The following TDRD1 variants were observed in gnomAD, a reference collection of about 807,000 sequenced individuals.
The protein encoded by TDRD1 is tudor domain-containing protein 1.
In TDRD1, 37 loss-of-function variants were observed where a neutral mutation model predicts 140.6. The observed-to-expected ratio is 0.26, with a 90% CI of 0.20 to 0.35. The LOEUF is 0.35. TDRD1 is among the 10% of genes least tolerant of loss of function. TDRD1 has a pLI of 1.00. For missense variants in TDRD1, 1,243 were observed against 1,393.0 expected (o/e 0.89, Z 1.71); for synonymous variants, 506 against 475.7 (o/e 1.06, Z -0.83).
chr10:114,223,619 C>T (rs1011952218), intron 21 of TDRD1, among the ~76,000 whole-genome samples: 1 of 152,172 alleles, frequency 6.6e-6, no homozygotes, highest in African/African-American at 2.4e-5. Flanking sequence ...TATACTTGCC[C>T]TTTCTTTCCA....
chr10:114,205,024 C>T, intron 10 of TDRD1, 131 bp downstream of exon 10: 1 of 717,188 alleles, frequency 1.4e-6, no homozygotes, highest in Non-Finnish European at 2.1e-6. Flanking sequence ...TGACTGAACC[C>T]ATTCTTGAAA....
At chr10:114,232,504 CTTTTT>C (rs140805425), downstream of TDRD1, among the ~76,000 whole-genome samples, 6,973 of 81,128 alleles carry the variant, frequency 0.086, 61 homozygotes, top group Middle Eastern at 0.18. Context: ...ACTTGAAAGA[CTTTTT>C]TTTTTTTTTT....
chr10:114,188,418 A>G (rs2120179460), intron 2 of TDRD1, among the ~76,000 whole-genome samples: 1 of 152,354 alleles, frequency 6.6e-6, no homozygotes, highest in Admixed American at 6.5e-5. Context: ...TAGAAAGGAA[A>G]CACTCTGGCT....
chr10:114,180,216 C>T (rs1284117635), intron 1 of TDRD1, among the ~76,000 whole-genome samples: 1 of 152,154 alleles, frequency 6.6e-6, no homozygotes, highest in East Asian at 1.9e-4. Context: ...ATAATAGCTG[C>T]CCTTTAAGCC....
At chr10:114,191,074 T>C (rs2033926168) in intron 3 of TDRD1, 55 bp downstream of exon 3, 4 of 1,539,036 alleles carry the variant, frequency 2.6e-6, no homozygotes, top group African/African-American at 1.4e-5. Context: ...TAAACATGTT[T>C]TATTTATTTA....
chr10:114,191,330 G>C (rs550063109), intron 3 of TDRD1, among the ~76,000 whole-genome samples: 4 of 152,026 alleles, frequency 2.6e-5, no homozygotes, highest in Admixed American at 6.6e-5. Context: ...TCACTACAAG[G>C]GTCCCTTATA....
intron 10 of TDRD1, among the ~76,000 whole-genome samples, chr10:114,205,882 A>T (rs1160203468): frequency 6.6e-6 from 1 of 152,182 alleles, no homozygotes; most frequent in Non-Finnish European, 1.5e-5. Context: ...ATGATTTGTA[A>T]CTCAAAGGAT....
Position 114,224,500 on chromosome 10 carries a change from C to T in TDRD1, c.3008-1549C>T, listed in dbSNP as rs1437580419. ...TTTCCTGAATTAATGCTTTTAGTTGCTTTTGTTTTCTGTTCTGTTAGGAGC... is the reference window on the plus strand; with the variant it reads ...TTTCCTGAATTAATGCTTTTAGTTGTTTTTGTTTTCTGTTCTGTTAGGAGC... On this transcript the variant is annotated intron_variant, in intron 21 of 25. Transcript: ENST00000251864. Among the ~76,000 whole-genome samples the T allele has an allele frequency of 2.0e-5, 3 of 152,074 alleles. No individual in the cohort carries two copies. The East Asian group carries it at 5.8e-4, about 29-fold the overall frequency.
In TDRD1 at chr10:114,212,105, G is replaced by A. The variant is rs78274654; in HGVS notation, c.1831+69G>A. On this transcript the variant is annotated intron_variant, in intron 14 of 25. Transcript: ENST00000251864. ...GATGAAGAAACATGAAAAGATACAC[G>A]AAATAGGGAAAAGCTGCTTCTCAAA... is the stretch of plus-strand genomic sequence containing the variant. 238 of 1,406,154 alleles carry A rather than the reference G, an allele frequency of 1.7e-4. 1 individual carries two copies. The highest frequency in any genetic ancestry group is 1.4e-3 in the Middle Eastern group (7 of 4,996). The allele number at this position is 1,406,154 out of a possible 1,614,324, so 87.1% of individuals were successfully genotyped here. A position where few individuals can be genotyped will look rare whatever the true frequency, so the allele number is the denominator to read the frequency against.
Position 114,201,399 on chromosome 10 carries a change from G to A in TDRD1, c.530-11G>A, listed in dbSNP as rs766601367. On this transcript the variant is annotated splice_polypyrimidine_tract_variant and intron_variant, in intron 4 of 25. Transcript: ENST00000251864. ...CTTCATCTGAACTATTTTGTGGGTG[G>A]TGTTTTCTAGGATCGCTGAGGTGCT... The A allele has an allele frequency of 6.8e-6, 11 of 1,610,578 alleles. No homozygotes were observed. In the East Asian group the frequency reaches 2.5e-4, roughly 36 times the overall value.
exon 5 of TDRD1, chr10:114,201,414 G>A (rs762839282): frequency 1.1e-5 from 18 of 1,613,296 alleles, no homozygotes; most frequent in Admixed American, 3.3e-5. Flanking sequence ...TTCTAGGATC[G>A]CTGAGGTGCT....
At chr10:114,206,552 A>AT (rs950384650) in intron 11 of TDRD1, among the ~76,000 whole-genome samples, 6 of 151,314 alleles carry the variant, frequency 4.0e-5, no homozygotes, top group African/African-American at 1.5e-4. Flanking sequence ...AATCCTTAAC[A>AT]TGGTAATCAT....
intron 21 of TDRD1, among the ~76,000 whole-genome samples, chr10:114,223,483 C>T (rs1292209534): frequency 3.9e-5 from 6 of 152,224 alleles, no homozygotes; most frequent in Non-Finnish European, 5.9e-5. Flanking sequence ...CTCACAAAGG[C>T]ATTTTTGTGA....
At chr10:114,230,523 C>G (rs1020901153) in intron 25 of TDRD1, among the ~76,000 whole-genome samples, 5 of 152,304 alleles carry the variant, frequency 3.3e-5, no homozygotes, top group Admixed American at 3.3e-4. Context: ...GGTTACATGA[C>G]TGTCCAAAAT....
chr10:114,229,865 C>G (rs930227750), intron 25 of TDRD1, among the ~76,000 whole-genome samples: 5 of 150,158 alleles, frequency 3.3e-5, no homozygotes, highest in Non-Finnish European at 5.9e-5. Flanking sequence ...CAGTCTCGCT[C>G]TGTTGTCCAG....
At chr10:114,192,131 C>T (rs1415768557) in intron 3 of TDRD1, among the ~76,000 whole-genome samples, 1 of 151,104 alleles carries the variant, frequency 6.6e-6, no homozygotes, top group Non-Finnish European at 1.5e-5. Context: ...CGTGATTTGC[C>T]AATATTTTTT....
chr10:114,186,887 C>T (rs2033576234), intron 1 of TDRD1, among the ~76,000 whole-genome samples: 1 of 152,110 alleles, frequency 6.6e-6, no homozygotes, highest in East Asian at 1.9e-4. Flanking sequence ...ACACCAACTG[C>T]TATTTATTTT....
intron 1 of TDRD1, chr10:114,179,767 C>T (rs1019302626): frequency 2.0e-5 from 3 of 152,158 alleles, no homozygotes; most frequent in African/African-American, 4.8e-5. Context: ...CTACTTTCCT[C>T]CTATAGGAAA....
exon 14 of TDRD1, chr10:114,211,967 A>G (rs1250741268): frequency 6.2e-7 from 1 of 1,612,924 alleles, no homozygotes; most frequent in Non-Finnish European, 8.5e-7. Context: ...CCTTAGTTTG[A>G]TGAGACTTTG....
Sources: gnomAD v4.1 joint callset for allele counts (sites outside exome capture counted in the v4.1 genomes callset) on GRCh38, gnomAD v4.1.1 for gene constraint, MANE v1.5 for transcripts, NCBI Gene and HGNC (gene_info 2026-07-23, HGNC 2026-07-21) for gene names.